Variants in WDR70 observed in about 807,000 individuals in gnomAD.
The protein encoded by WDR70 is WD repeat-containing protein 70.
A neutral mutation model predicts 88.6 loss-of-function variants in WDR70; 53 were observed. The observed-to-expected ratio is 0.60, with a 90% CI of 0.48 to 0.75. The LOEUF (loss-of-function observed/expected upper bound fraction) is 0.75. Ranked by LOEUF, WDR70 falls within the 30% of genes least tolerant of loss-of-function variation. The pLI is 0.00. For missense variants in WDR70, 610 were observed against 823.2 expected, an observed-to-expected ratio of 0.74 and a Z score of 3.17; for synonymous variants, 280 against 270.0, an observed-to-expected ratio of 1.04 and a Z score of -0.36.
At chr5:37,716,045 G>C (rs1475996029) in intron 13 of WDR70, among the ~76,000 whole-genome samples, 1 of 152,086 alleles carries the variant, frequency 6.6e-6, no homozygotes, top group East Asian at 1.9e-4. Context: ...CAGGTGTCAG[G>C]CTTTTCATTT....
chr5:37,752,729 T>A lies in WDR70; in HGVS notation c.*156T>A. The A allele has an allele frequency of 3.4e-6, 2 of 585,836 alleles. No individual in the cohort carries two copies. Among genetic ancestry groups the A allele is most frequent in the Non-Finnish European group, 6.0e-6 (2 of 336,030 alleles). The allele number at this position is 585,836 out of a possible 1,614,324, so 36.3% of individuals were successfully genotyped here. On this transcript the variant is annotated 3_prime_UTR_variant, in exon 18 of 18. Transcript: ENST00000265107. ...CAAAAGTTTGGTGGCTAGGCTTCACTAAAATTGTGCTTAAATTTTCTTACC... is the reference window on the plus strand; with the variant it reads ...CAAAAGTTTGGTGGCTAGGCTTCACAAAAATTGTGCTTAAATTTTCTTACC...
At chr5:37,676,717 A>C (rs1169147714) in intron 10 of WDR70, among the ~76,000 whole-genome samples, 17 of 151,610 alleles carry the variant, frequency 1.1e-4, no homozygotes, top group East Asian at 1.9e-4. Context: ...TGTCTCTGCC[A>C]GGCTTTGGTA....
rs147564383 is a variant in WDR70, at chr5:37,652,484, A to G, written c.1093-45171A>G. Among the ~76,000 whole-genome samples, 1,275 of 152,272 alleles carry G rather than the reference A, an allele frequency of 8.4e-3. 7 individuals carry two copies. The highest frequency in any genetic ancestry group is 0.012 in the Non-Finnish European group (811 of 68,010). On this transcript the variant is annotated intron_variant, in intron 10 of 17. Coordinates refer to ENST00000265107, the MANE Select transcript of WDR70 (RefSeq NM_018034.4). ...TTCTCTAATTCTGTGAAGAAAGTCAATGGTAGCTTGATGGGGATAGCATTG... is the reference window on the plus strand; with the variant it reads ...TTCTCTAATTCTGTGAAGAAAGTCAGTGGTAGCTTGATGGGGATAGCATTG...
chr5:37,556,750 G>A (rs913779636), intron 9 of WDR70, among the ~76,000 whole-genome samples: 1 of 152,146 alleles, frequency 6.6e-6, no homozygotes, highest in Non-Finnish European at 1.5e-5. Flanking sequence ...TGGAGAGCAG[G>A]AACAATGCAG....
chr5:37,496,471 C>T (rs1031107390), intron 8 of WDR70, among the ~76,000 whole-genome samples: 10 of 152,168 alleles, frequency 6.6e-5, no homozygotes, highest in Non-Finnish European at 1.3e-4. Context: ...TCCGGACACA[C>T]CATCTTTAAG....
At chr5:37,555,485 T>C (rs1408320729) in intron 9 of WDR70, among the ~76,000 whole-genome samples, 1 of 152,188 alleles carries the variant, frequency 6.6e-6, no homozygotes, top group East Asian at 1.9e-4. Context: ...TGCAGAAATC[T>C]TGGGCAGTTT....
chr5:37,565,985 A>C (rs900063912), intron 9 of WDR70, among the ~76,000 whole-genome samples: 18 of 152,222 alleles, frequency 1.2e-4, no homozygotes, highest in African/African-American at 4.1e-4. Context: ...CACATACCAT[A>C]AAATTTACCC....
chr5:37,604,146 A>G (rs1262237209), intron 9 of WDR70, among the ~76,000 whole-genome samples: 2 of 149,310 alleles, frequency 1.3e-5, no homozygotes, highest in South Asian at 2.2e-4. Context: ...CACTTTTGTC[A>G]TATTTATTCT....
chr5:37,646,281 A>G (rs1021503037), intron 10 of WDR70, among the ~76,000 whole-genome samples: 1 of 151,792 alleles, frequency 6.6e-6, no homozygotes, highest in African/African-American at 2.4e-5. Flanking sequence ...ATTTAACTTC[A>G]TCCCTCCACT....
At chr5:37,747,248 G>A (rs759623506) in intron 17 of WDR70, among the ~76,000 whole-genome samples, 11 of 152,020 alleles carry the variant, frequency 7.2e-5, no homozygotes, top group East Asian at 3.9e-4. Context: ...AGACATTTAC[G>A]TGGCCAACAA....
chr5:37,429,050 G>A (rs966272486), intron 5 of WDR70, among the ~76,000 whole-genome samples: 1 of 152,186 alleles, frequency 6.6e-6, no homozygotes, highest in Non-Finnish European at 1.5e-5. Flanking sequence ...GCCTAGGCTG[G>A]ACTCAAACAC....
chr5:37,498,857 G>A (rs910370362), intron 8 of WDR70, among the ~76,000 whole-genome samples: 5 of 152,210 alleles, frequency 3.3e-5, no homozygotes, highest in Non-Finnish European at 4.4e-5. Flanking sequence ...ATACCTAGGG[G>A]TGTGATTGCT....
At chr5:37,474,711 A>C (rs909115718) in intron 7 of WDR70, among the ~76,000 whole-genome samples, 3 of 151,864 alleles carry the variant, frequency 2.0e-5, no homozygotes, top group Non-Finnish European at 2.9e-5. Context: ...ATTCTTCCAC[A>C]TGCTCTCCCC....
At chr5:37,495,523 G>A (rs1471389461) in intron 8 of WDR70, among the ~76,000 whole-genome samples, 1 of 151,742 alleles carries the variant, frequency 6.6e-6, no homozygotes, top group Non-Finnish European at 1.5e-5. Context: ...ACCAGTGTTG[G>A]TCATGGATAA....
chr5:37,564,967 G>A (rs1323149497), intron 9 of WDR70, among the ~76,000 whole-genome samples: 3 of 151,764 alleles, frequency 2.0e-5, no homozygotes, highest in Admixed American at 6.6e-5. Flanking sequence ...ATATTTTTAC[G>A]CATAAACATT....
At chr5:37,573,122 C>T (rs1742954507) in intron 9 of WDR70, among the ~76,000 whole-genome samples, 1 of 152,160 alleles carries the variant, frequency 6.6e-6, no homozygotes, top group Non-Finnish European at 1.5e-5. Context: ...TCTTTAACAG[C>T]ACTTGTTAAA....
At chr5:37,484,007 CAG>C (rs1739769145) in intron 8 of WDR70, among the ~76,000 whole-genome samples, 1 of 151,894 alleles carries the variant, frequency 6.6e-6, no homozygotes. Context: ...GGCGGCCGGG[CAG>C]AGACGCTCCT....
At chr5:37,722,694 T>C in intron 14 of WDR70, 161 bp from the exon 15 acceptor site, 1 of 629,140 alleles carries the variant, frequency 1.6e-6, no homozygotes, top group Non-Finnish European at 2.8e-6. Flanking sequence ...TAAGCTTTTA[T>C]CACTGAGAGC....
chr5:37,449,604 TAAA>T (rs58179518), intron 7 of WDR70, among the ~76,000 whole-genome samples: 40,785 of 95,386 alleles, frequency 0.43, 6,523 homozygotes, highest in East Asian at 0.64. Context: ...AAAAAAAAAA[TAAA>T]AAATAAAAAA....
Sources: allele counts gnomAD v4.1 joint callset (sites outside exome capture counted in the v4.1 genomes callset), GRCh38; gene constraint gnomAD v4.1.1; transcripts MANE v1.5; gene names NCBI Gene and HGNC (gene_info 2026-07-23, HGNC 2026-07-21).